The following MSRA variants were observed in gnomAD, a reference collection of about 807,000 sequenced individuals.
The protein encoded by MSRA is methionine sulfoxide reductase A, also known as mitochondrial peptide methionine sulfoxide reductase.
A neutral mutation model predicts 31.3 loss-of-function variants in MSRA; 54 were observed. That is an observed-to-expected ratio of 1.73 (90% CI 1.39 to 2.17). The LOEUF is 2.17. Ranked by LOEUF, MSRA falls within the 30% of genes most tolerant of loss-of-function variation. MSRA has a pLI of 0.00. For missense variants in MSRA, 507 were observed against 300.9 expected, an observed-to-expected ratio of 1.69 and a Z score of -5.07; for synonymous variants, 169 against 116.5, an observed-to-expected ratio of 1.45 and a Z score of -2.90.
At chr8:10,176,027 G>T (rs1806017767) in intron 1 of MSRA, among the ~76,000 whole-genome samples, 1 of 152,150 alleles carries the variant, frequency 6.6e-6, no homozygotes, top group South Asian at 2.1e-4. Context: ...TAATGGACTG[G>T]AAGGGCCCAA....
At chr8:10,217,840 T>A (rs1810128784) in intron 2 of MSRA, among the ~76,000 whole-genome samples, 1 of 152,228 alleles carries the variant, frequency 6.6e-6, no homozygotes, top group African/African-American at 2.4e-5. Flanking sequence ...TAAAACTGTT[T>A]ATCTGAATCA....
chr8:10,224,088 A>G (rs990934992), intron 2 of MSRA, among the ~76,000 whole-genome samples: 1 of 152,172 alleles, frequency 6.6e-6, no homozygotes. Context: ...GCAGGTCTAA[A>G]TGGTGTAGAA....
chr8:10,112,411 G>A (rs1800356981), intron 1 of MSRA, among the ~76,000 whole-genome samples: 1 of 152,222 alleles, frequency 6.6e-6, no homozygotes. Context: ...TCTAGGAAAA[G>A]CTGTTAACAT....
chr8:10,141,649 G>A (rs1269060776), intron 1 of MSRA, among the ~76,000 whole-genome samples: 2 of 151,784 alleles, frequency 1.3e-5, no homozygotes, highest in African/African-American at 2.4e-5. Flanking sequence ...CAATGCTGTA[G>A]TAGACCTCTG....
chr8:10,428,685 C>A lies in MSRA; in HGVS notation c.*373C>A, dbSNP rs868725652. 2 of 249,366 alleles carry A rather than the reference C, an allele frequency of 8.0e-6. No homozygotes were observed. Among genetic ancestry groups the A allele is most frequent in the African/African-American group, 4.7e-5 (2 of 42,678 alleles). 15.4% of individuals were successfully genotyped at this position (249,366 alleles called of 1,614,324 possible). A position where few individuals can be genotyped will look rare whatever the true frequency, so the allele number is the denominator to read the frequency against. ...GTGCTCTCTGCCCGCCAGTGCCTTACAATTTGCAAACGTGTATAGCCTCAG... is the reference window on the plus strand; with the variant it reads ...GTGCTCTCTGCCCGCCAGTGCCTTAAAATTTGCAAACGTGTATAGCCTCAG... On this transcript the variant is annotated 3_prime_UTR_variant, in exon 6 of 6. Transcript: ENST00000317173.
intron 1 of MSRA, among the ~76,000 whole-genome samples, chr8:10,069,216 T>A (rs1202632393): frequency 6.6e-6 from 1 of 152,200 alleles, no homozygotes; most frequent in African/African-American, 2.4e-5. Context: ...ATGAACAGTT[T>A]TATTTCTTCC....
At chr8:10,421,387 A>T (rs1238245006) in intron 5 of MSRA, among the ~76,000 whole-genome samples, 3 of 152,184 alleles carry the variant, frequency 2.0e-5, no homozygotes, top group Admixed American at 6.5e-5. Flanking sequence ...GGACAAACAC[A>T]GGGTCCTGGT....
intron 5 of MSRA, among the ~76,000 whole-genome samples, chr8:10,416,429 C>T (rs756964770): frequency 3.9e-5 from 6 of 152,240 alleles, no homozygotes; most frequent in South Asian, 2.1e-4. Context: ...TCCATCGGGC[C>T]GTGGTGCTCC....
At position 10,143,049 on chromosome 8, in the gene MSRA, C is replaced by A. The variant is rs28461754; in HGVS notation, c.143-64784C>A. Among the ~76,000 whole-genome samples, 23 of 152,182 alleles carry A rather than the reference C, an allele frequency of 1.5e-4. 1 individual carries two copies. The highest frequency in any genetic ancestry group is 5.3e-4 in the African/African-American group (22 of 41,450). On this transcript the variant is annotated intron_variant, in intron 1 of 5. Transcript: ENST00000317173. ...GTGGAGTAAGAAGTAGAAGATTTCA[C>A]TGGGGCATGCTTTGACTTCCCCAGT...
intron 5 of MSRA, among the ~76,000 whole-genome samples, chr8:10,368,640 G>T (rs2129169037): frequency 6.6e-6 from 1 of 152,332 alleles, no homozygotes; most frequent in East Asian, 1.9e-4. Flanking sequence ...TTTTCAAGAT[G>T]CACTGTTCCA....
chr8:10,338,488 A>G (rs1228235988), intron 5 of MSRA, among the ~76,000 whole-genome samples: 1 of 152,198 alleles, frequency 6.6e-6, no homozygotes, highest in African/African-American at 2.4e-5. Flanking sequence ...GAGCACATTT[A>G]ACACGTCTCA....
intron 5 of MSRA, among the ~76,000 whole-genome samples, chr8:10,407,639 G>A (rs927716650): frequency 6.6e-6 from 1 of 152,144 alleles, no homozygotes; most frequent in East Asian, 1.9e-4. Flanking sequence ...CACGGGGTGC[G>A]TTTGAATTTC....
chr8:10,179,862 A>G (rs1806383073), intron 1 of MSRA, among the ~76,000 whole-genome samples: 1 of 152,198 alleles, frequency 6.6e-6, no homozygotes, highest in South Asian at 2.1e-4. Flanking sequence ...CTCCCCATGT[A>G]AAGATTTTTA....
At chr8:10,127,760 A>G (rs191640310) in intron 1 of MSRA, among the ~76,000 whole-genome samples, 2 of 152,360 alleles carry the variant, frequency 1.3e-5, no homozygotes, top group East Asian at 3.9e-4. Context: ...AGAAATAGGT[A>G]ATTTTAAAAT....
intron 5 of MSRA, among the ~76,000 whole-genome samples, chr8:10,334,192 G>GTGTGTGTGTGTGTATTTA: frequency 1.1e-5 from 1 of 91,228 alleles, no homozygotes; most frequent in Non-Finnish European, 2.5e-5. Flanking sequence ...GTATTTATGT[G>GTGTGTGTGTGTGTATTTA]TGTGTGTGTG....
At chr8:10,171,099 T>G (rs1365815279) in intron 1 of MSRA, among the ~76,000 whole-genome samples, 1 of 152,180 alleles carries the variant, frequency 6.6e-6, no homozygotes, top group Non-Finnish European at 1.5e-5. Flanking sequence ...TTTTGGCACA[T>G]GGATGGGAAG....
chr8:10,105,299 A>G (rs1263050873), intron 1 of MSRA, among the ~76,000 whole-genome samples: 1 of 152,198 alleles, frequency 6.6e-6, no homozygotes, highest in Non-Finnish European at 1.5e-5. Flanking sequence ...GATTTTAGTA[A>G]TAATACATGC....
chr8:10,309,309 A>G (rs1031379407), intron 4 of MSRA, among the ~76,000 whole-genome samples: 2 of 152,278 alleles, frequency 1.3e-5, no homozygotes, highest in African/African-American at 4.8e-5. Context: ...CGGGGCGCAC[A>G]CGGGCGCGGA....
rs55916396 is a variant in MSRA, at chr8:10,392,680, C to CT, written c.544-35454dup. ...GTGACCATCACTTGGCCTCTCGGCC[C>CT]TTTTTTTTTTTTTTAAATCTATGAT... On this transcript the variant is annotated intron_variant, in intron 5 of 5. Transcript: ENST00000317173. 4.3e-3 allele frequency among the ~76,000 whole-genome samples: 612 copies of CT among 143,412 alleles called. 6 individuals carry two copies. Among genetic ancestry groups the CT allele is most frequent in the African/African-American group, 0.013 (502 of 38,948 alleles). The allele number at this position is 143,412 out of a possible 152,430, so 94.1% of individuals were successfully genotyped here.
Sources: gnomAD v4.1 joint callset for allele counts (sites outside exome capture counted in the v4.1 genomes callset) on GRCh38, gnomAD v4.1.1 for gene constraint, MANE v1.5 for transcripts, NCBI Gene and HGNC (gene_info 2026-07-23, HGNC 2026-07-21) for gene names.